ADCY7: variants seen among roughly 807,000 people sequenced by gnomAD.
The protein encoded by ADCY7 is adenylate cyclase 7, also known as adenylate cyclase type 7.
ADCY7 carries 72 observed loss-of-function variants against 120.6 expected under a neutral mutation model. That is an observed-to-expected ratio of 0.60 (90% confidence interval 0.49 to 0.73). ADCY7 has a LOEUF of 0.73. Among genes scored for constraint, ADCY7 ranks in the 30% least tolerant of loss-of-function variants. ADCY7 has a pLI of 0.00. For missense variants in ADCY7, 1,227 were observed against 1,486.0 expected (o/e 0.83, Z 2.87); for synonymous variants, 661 against 628.0 (o/e 1.05, Z -0.78).
chr16:50,300,938 C>T (rs558420152), intron 9 of ADCY7, 65 bp downstream of exon 9: 80 of 1,538,452 alleles, frequency 5.2e-5, no homozygotes, highest in African/African-American at 2.3e-4. Context: ...GAGGGTTCTG[C>T]GGTTGGGGGT....
intron 8 of ADCY7, 152 bp from the exon 9 acceptor site, chr16:50,300,563 G>A (rs1309045006): frequency 1.1e-6 from 1 of 910,564 alleles, no homozygotes; most frequent in East Asian, 2.7e-5. Flanking sequence ...TCTTCCTGAA[G>A]AGGCAGCCCC....
intron 5 of ADCY7, 148 bp from the exon 6 acceptor site, chr16:50,293,205 TG>T: frequency 1.2e-6 from 1 of 864,196 alleles, no homozygotes; most frequent in Non-Finnish European, 1.8e-6. Flanking sequence ...AGAGCAGAGA[TG>T]GGGACATTGT....
At chr16:50,299,700 G>A (rs2035590461) in intron 8 of ADCY7, among the ~76,000 whole-genome samples, 1 of 152,238 alleles carries the variant, frequency 6.6e-6, no homozygotes, top group Admixed American at 6.5e-5. Flanking sequence ...GGGCAGAGCT[G>A]GAGGGGCCTG....
chr16:50,288,773 C>T (rs925895509), intron 2 of ADCY7, among the ~76,000 whole-genome samples: 10 of 152,268 alleles, frequency 6.6e-5, no homozygotes, highest in East Asian at 3.9e-4. Flanking sequence ...CCACCATGCC[C>T]GGCCAATGCT....
At chr16:50,314,856 C>A in intron 24 of ADCY7, 158 bp from the exon 25 acceptor site, 2 of 967,368 alleles carry the variant, frequency 2.1e-6, no homozygotes, top group East Asian at 2.5e-5. Flanking sequence ...TACCCCAAGC[C>A]CGACTGCAAC....
At position 50,314,725 on chromosome 16, in the gene ADCY7, C is replaced by CCTTTGTTAATACTTTTAACAAAGTATT. The variant is rs1271585161; in HGVS notation, c.2972-279_2972-253dup. The stretch of plus-strand genomic sequence containing the variant: ...TTGCGGGCCTGCGCTCAAAGCCAGG[C>CCTTTGTTAATACTTTTAACAAAGTATT]CTTTGTTAATACTTTTAACAAAGTA... On this transcript the variant is annotated intron_variant, in intron 24 of 25. Coordinates refer to ENST00000673801, the MANE Select transcript of ADCY7 (RefSeq NM_001114.5). The CCTTTGTTAATACTTTTAACAAAGTATT allele has an allele frequency of 6.3e-5, 28 of 446,676 alleles. No homozygotes were observed. In the Admixed American group the frequency reaches 9.6e-4, roughly 15 times the overall value. 27.7% of individuals were successfully genotyped at this position (446,676 alleles called of 1,614,324 possible). A position where few individuals can be genotyped will look rare whatever the true frequency, so the allele number is the denominator to read the frequency against.
intron 1 of ADCY7, among the ~76,000 whole-genome samples, chr16:50,255,024 G>C (rs1032867807): frequency 1.1e-4 from 17 of 150,856 alleles, no homozygotes; most frequent in African/African-American, 4.1e-4. Flanking sequence ...GGTGGCTCAT[G>C]CCTGTAATTC....
upstream of ADCY7, among the ~76,000 whole-genome samples, chr16:50,265,525 G>C (rs937440968): frequency 2.0e-5 from 3 of 152,334 alleles, no homozygotes; most frequent in Admixed American, 2.0e-4. Flanking sequence ...GGGGCTGGAC[G>C]CTGGGGACAC....
rs2036751695 is a variant in ADCY7, at chr16:50,315,343, C to T, written c.3097-16C>T. 6.2e-7 allele frequency: 1 copy of T among 1,601,494 alleles called. No individual in the cohort carries two copies. The highest frequency in any genetic ancestry group is 8.6e-7 in the Non-Finnish European group (1 of 1,169,578). On this transcript the variant is annotated splice_polypyrimidine_tract_variant and intron_variant, in intron 25 of 25. Transcript: ENST00000673801. The stretch of plus-strand genomic sequence containing the variant: ...CTTCCCGCCTCTGAAGACAACAGGT[C>T]TCTCTTCCTTTTCAGGTTACCGAGG...
intron 1 of ADCY7, among the ~76,000 whole-genome samples, chr16:50,272,795 T>A (rs1458779594): frequency 2.0e-5 from 3 of 152,030 alleles, no homozygotes; most frequent in Non-Finnish European, 2.9e-5. Context: ...CGCATCTGGC[T>A]CCTGGGCCCC....
chr16:50,287,898 C>G lies in ADCY7; in HGVS notation c.-268-14C>G. The G allele has an allele frequency of 2.7e-6, 1 of 370,366 alleles. No homozygotes were observed. The highest frequency in any genetic ancestry group is 4.8e-6 in the Non-Finnish European group (1 of 206,768). The allele number at this position is 370,366 out of a possible 1,614,324, so 22.9% of individuals were successfully genotyped here. On this transcript the variant is annotated splice_polypyrimidine_tract_variant and intron_variant, in intron 1 of 25. Transcript: ENST00000673801. ...GACCATTAGGTCAAGTTCCTGTCTG[C>G]TTCGTCTCCGCAGAGCTGAGGAACT...
chr16:50,263,712 T>C (rs994064249), upstream of ADCY7, among the ~76,000 whole-genome samples: 2 of 152,142 alleles, frequency 1.3e-5, no homozygotes, highest in South Asian at 4.2e-4. Context: ...CGAGATCATC[T>C]TGCAGAAATG....
chr16:50,277,724 G>A (rs1225991139), intron 1 of ADCY7, among the ~76,000 whole-genome samples: 1 of 146,762 alleles, frequency 6.8e-6, no homozygotes, highest in Non-Finnish European at 1.5e-5. Flanking sequence ...AGGCTGGAGT[G>A]CAGTGGCACA....
In ADCY7 at chr16:50,293,528, A is replaced by C. The variant is rs2302712; in HGVS notation, c.836+26A>C. 9 of 1,610,206 alleles carry C rather than the reference A, an allele frequency of 5.6e-6. No homozygotes were observed. The Admixed American group carries it at 1.5e-4, about 27-fold the overall frequency. ...GTGGGCGGTGAGACGTGTGATTAGC[A>C]TATCCCGGGGACTGGGCCCACCGTT... is the stretch of plus-strand genomic sequence containing the variant. On this transcript the variant is annotated intron_variant, in intron 6 of 25. Transcript: ENST00000673801.
rs541440634 is a variant in ADCY7, at chr16:50,270,714, G to A, written c.-269+4034G>A. Among the ~76,000 whole-genome samples the A allele has an allele frequency of 5.2e-4, 79 of 152,290 alleles. 1 individual carries two copies. The highest frequency in any genetic ancestry group is 1.9e-4 in the African/African-American group (8 of 41,558). ...AGCCTCCCTGTCACCTACATCCCTC[G>A]GACTAATCATTTTCTTTCTGTTCCT... On this transcript the variant is annotated intron_variant, in intron 1 of 25. Transcript: ENST00000673801.
Position 50,315,671 on chromosome 16 carries a change from T to C in ADCY7, c.*166T>C. Reference sequence around the variant, plus strand: ...GGATTTCTCAGACACATGCACCAGATTCTGGCTCGAAGCAGCCACTGAGCC... The same window carrying C: ...GGATTTCTCAGACACATGCACCAGACTCTGGCTCGAAGCAGCCACTGAGCC... On this transcript the variant is annotated 3_prime_UTR_variant, in exon 26 of 26. Transcript: ENST00000673801. The C allele has an allele frequency of 2.3e-6, 2 of 862,776 alleles. No individual in the cohort carries two copies. Among genetic ancestry groups the C allele is most frequent in the Non-Finnish European group, 3.4e-6 (2 of 581,222 alleles). The allele number at this position is 862,776 out of a possible 1,614,324, so 53.4% of individuals were successfully genotyped here.
At position 50,290,561 on chromosome 16, in the gene ADCY7, G is replaced by C; in HGVS notation, c.276G>C (p.Trp92Cys). ...LMYVECLLRR[W>C]LRALALLTWA... ...ACGTCGAGTGTCTCCTGCGGCGCTG[G>C]CTCAGGGCCTTGGCGCTGCTCACCT... The change falls in exon 3 of 26, where the codon TGG (tryptophan) becomes TGC (cysteine). Residue 92 changes from tryptophan (W) to cysteine (C), a missense_variant. This residue lies in a region of ADCY7 where 382 missense variants were observed against 411.4 expected (regional missense o/e 0.93). Transcript: ENST00000673801. 1 of 1,614,186 alleles carries C rather than the reference G, an allele frequency of 6.2e-7. No homozygotes were observed. The highest frequency in any genetic ancestry group is 1.1e-5 in the South Asian group (1 of 91,090).
chr16:50,256,694 CCAA>C (rs897270759), intron 1 of ADCY7, among the ~76,000 whole-genome samples: 3 of 151,458 alleles, frequency 2.0e-5, no homozygotes, highest in Non-Finnish European at 4.4e-5. Context: ...GACCCTGTCT[CCAA>C]AAAAAAAGAG....
chr16:50,256,903 G>A (rs972663401), intron 1 of ADCY7, among the ~76,000 whole-genome samples: 18 of 152,136 alleles, frequency 1.2e-4, no homozygotes, highest in African/African-American at 4.3e-4. Flanking sequence ...ATTCATAATA[G>A]CCAAGATCTA....
Sources: gnomAD v4.1 joint callset for allele counts (sites outside exome capture counted in the v4.1 genomes callset) on GRCh38, gnomAD v4.1.1 for gene constraint, gnomAD v4.1.1 regional missense constraint, MANE v1.5 for transcripts, NCBI Gene and HGNC (gene_info 2026-07-23, HGNC 2026-07-21) for gene names.